Variants in COX19 observed in about 807,000 individuals in gnomAD.
The protein encoded by COX19 is cytochrome c oxidase assembly factor COX19, also known as cytochrome c oxidase assembly protein COX19.
COX19 carries 8 observed loss-of-function variants against 6.8 expected under a neutral mutation model. The observed-to-expected ratio is 1.18, with a 90% CI of 0.69 to 2.12. The LOEUF is 2.12. COX19 is among the 30% of genes most tolerant of loss of function. The pLI, the probability that COX19 is intolerant of heterozygous loss-of-function variation, is 0.00. For missense variants in COX19, 131 were observed against 104.6 expected, an observed-to-expected ratio of 1.25 and a Z score of -1.10; for synonymous variants, 51 against 38.0, an observed-to-expected ratio of 1.34 and a Z score of -1.26.
intron 2 of COX19, 142 bp downstream of exon 2, chr7:973,039 A>G: frequency 2.2e-6 from 1 of 455,486 alleles, no homozygotes; most frequent in Non-Finnish European, 3.8e-6. Flanking sequence ...CCTCCATTTC[A>G]AGGGCAAACA....
rs968281344 is a variant in COX19 at position 965,890 on chromosome 7, C to T, written c.*3488G>A. Among the ~76,000 whole-genome samples the T allele has an allele frequency of 3.3e-5, 5 of 152,288 alleles. No homozygotes were observed. The highest frequency in any genetic ancestry group is 3.9e-4 in the East Asian group (2 of 5,152). On this transcript the variant is annotated 3_prime_UTR_variant, in exon 3 of 3. Coordinates refer to ENST00000344111, the MANE Select transcript of COX19 (RefSeq NM_001031617.3). Reference sequence around the variant, plus strand: ...CTGGCCTCAAGTGATCTGCCTGCCTCGGCCTCCCAAAGTGTTGGGATTATA... The same window carrying T: ...CTGGCCTCAAGTGATCTGCCTGCCTTGGCCTCCCAAAGTGTTGGGATTATA...
rs75326730 is a variant in COX19 at position 967,489 on chromosome 7, G to A, written c.*1889C>T. On this transcript the variant is annotated 3_prime_UTR_variant, in exon 3 of 3. Coordinates refer to ENST00000344111, the MANE Select transcript of COX19 (RefSeq NM_001031617.3). The stretch of plus-strand genomic sequence containing the variant: ...TTTCCTGTCTTTCCCACCTTTGGTC[G>A]ACGGTCTTCCCCACACTCCTGATGG... 6.6e-6 allele frequency: 1 copy of A among 152,178 alleles called. No individual in the cohort carries two copies. Among genetic ancestry groups the A allele is most frequent in the Non-Finnish European group, 1.5e-5 (1 of 68,034 alleles). 9.4% of individuals were successfully genotyped at this position (152,178 alleles called of 1,614,324 possible).
chr7:970,752 A>T (rs1847623398), intron 2 of COX19, among the ~76,000 whole-genome samples: 1 of 151,440 alleles, frequency 6.6e-6, no homozygotes, highest in Non-Finnish European at 1.5e-5. Context: ...TTTTAAAGAA[A>T]TTTTTTGTAG....
intron 2 of COX19, among the ~76,000 whole-genome samples, chr7:970,634 G>A (rs1476887721): frequency 6.6e-6 from 1 of 151,654 alleles, no homozygotes; most frequent in East Asian, 1.9e-4. Flanking sequence ...AGTAGAGATG[G>A]GGTCTCACCA....
At chr7:973,646 G>T (rs1847665171) in intron 1 of COX19, among the ~76,000 whole-genome samples, 1 of 151,984 alleles carries the variant, frequency 6.6e-6, no homozygotes, top group African/African-American at 2.4e-5. Flanking sequence ...CTCCAGCCTG[G>T]GCAACAGATC....
intron 2 of COX19, among the ~76,000 whole-genome samples, chr7:971,495 C>T (rs1325603536): frequency 6.6e-6 from 1 of 152,040 alleles, no homozygotes; most frequent in South Asian, 2.1e-4. Flanking sequence ...GAACAAATAA[C>T]CAATCGAAAT....
rs975749123 is a variant in COX19, at chr7:969,291, G to A, written c.*87C>T. The A allele has an allele frequency of 2.3e-5, 19 of 832,514 alleles. No homozygotes were observed. The highest frequency in any genetic ancestry group is 2.2e-4 in the Middle Eastern group (1 of 4,472). The allele number at this position is 832,514 out of a possible 1,614,324, so 51.6% of individuals were successfully genotyped here. A position where few individuals can be genotyped will look rare whatever the true frequency, so the allele number is the denominator to read the frequency against. On this transcript the variant is annotated 3_prime_UTR_variant, in exon 3 of 3. Transcript: ENST00000344111. ...AAGCCCATTTCTAAGGACACCACAC[G>A]CAGGCCTCAGCCAACCTAAGAGGCA...
chr7:971,729 G>T (rs933233368), intron 2 of COX19, among the ~76,000 whole-genome samples: 4 of 152,136 alleles, frequency 2.6e-5, no homozygotes, highest in African/African-American at 7.2e-5. Context: ...AAATTAGCCG[G>T]GCAAGGTGGC....
chr7:969,460 A>G lies in COX19; in HGVS notation c.195-4T>C. On this transcript the variant is annotated splice_polypyrimidine_tract_variant and splice_region_variant and intron_variant, in intron 2 of 2. Transcript: ENST00000344111. ...TGGTTCTTGTAGCATCAATTTTCTA[A>G]AAGAAAAAGAGAAAGCTGTCAGGGC... The G allele has an allele frequency of 6.3e-7, 1 of 1,592,224 alleles. No individual in the cohort carries two copies.
rs955924106 is a variant in COX19 at position 969,956 on chromosome 7, A to T, written c.195-500T>A. Among the ~76,000 whole-genome samples, 62 of 117,542 alleles carry T rather than the reference A, an allele frequency of 5.3e-4. 1 individual carries two copies. The highest frequency in any genetic ancestry group is 2.1e-3 in the Admixed American group (24 of 11,216). 77.1% of individuals were successfully genotyped at this position (117,542 alleles called of 152,430 possible). A position where few individuals can be genotyped will look rare whatever the true frequency, so the allele number is the denominator to read the frequency against. On this transcript the variant is annotated intron_variant, in intron 2 of 2. Transcript: ENST00000344111. Reference sequence around the variant, plus strand: ...AGACTCAGGTCGACAGTTATCTGATATTTTTTTTTTTTTTTTTTTTTTTAA... The same window carrying T: ...AGACTCAGGTCGACAGTTATCTGATTTTTTTTTTTTTTTTTTTTTTTTTAA...
intron 2 of COX19, among the ~76,000 whole-genome samples, chr7:972,388 A>T (rs1343725536): frequency 6.6e-5 from 10 of 152,236 alleles, no homozygotes; most frequent in Non-Finnish European, 1.2e-4. Flanking sequence ...GGAAAGGCAC[A>T]ACGGATTTTT....
At chr7:975,077 T>G (rs1847686239) in intron 1 of COX19, 2 of 265,902 alleles carry the variant, frequency 7.5e-6, no homozygotes, top group South Asian at 1.7e-4. Flanking sequence ...AGGCACCGTC[T>G]AAGCCTCGGC....
At position 966,215 on chromosome 7, in the gene COX19, G is replaced by A. The variant is rs976326177; in HGVS notation, c.*3163C>T. On this transcript the variant is annotated 3_prime_UTR_variant, in exon 3 of 3. Transcript: ENST00000344111. ...CTGTTGCTCAGGCTGGAGAGCAGTG[G>A]TACAATCACAGCTCACTGCAGACTT... The A allele has an allele frequency of 1.3e-5, 2 of 149,240 alleles. No individual in the cohort carries two copies. The highest frequency in any genetic ancestry group is 3.2e-3 in the Middle Eastern group (1 of 312). 9.2% of individuals were successfully genotyped at this position (149,240 alleles called of 1,614,324 possible).
chr7:973,747 C>A (rs1408620281), intron 1 of COX19, among the ~76,000 whole-genome samples: 2 of 151,980 alleles, frequency 1.3e-5, no homozygotes, highest in South Asian at 2.1e-4. Flanking sequence ...GGGCGGATCA[C>A]CTGAGGTCAG....
intron 2 of COX19, among the ~76,000 whole-genome samples, chr7:970,791 T>C (rs1847623943): frequency 6.6e-6 from 1 of 152,138 alleles, no homozygotes; most frequent in Admixed American, 6.6e-5. Context: ...TTGCCCAGGC[T>C]GGTCTTGAAC....
At position 975,542 on chromosome 7, in the gene COX19, G is replaced by A. The variant is rs779055980; in HGVS notation, c.-33C>T. The A allele has an allele frequency of 2.9e-5, 45 of 1,574,356 alleles. No homozygotes were observed. Among genetic ancestry groups the A allele is most frequent in the Admixed American group, 1.0e-4 (6 of 57,762 alleles). On this transcript the variant is annotated 5_prime_UTR_variant, in exon 1 of 3. Transcript: ENST00000344111. ...ACTCCGGAGTCTGCGAGCGCCTTGC[G>A]AGCGTACGCAGGGCGGCCGGCGGAG... is the stretch of plus-strand genomic sequence containing the variant.
intron 1 of COX19, 33 bp from the exon 2 acceptor site, chr7:973,325 C>A: frequency 6.5e-7 from 1 of 1,540,578 alleles, no homozygotes; most frequent in African/African-American, 1.4e-5. Flanking sequence ...ATGTTCTTTT[C>A]AGAGTGAAAA....
chr7:973,440 G>A, intron 1 of COX19, 148 bp from the exon 2 acceptor site: 2 of 1,086,922 alleles, frequency 1.8e-6, no homozygotes, highest in Non-Finnish European at 2.4e-6. Flanking sequence ...CCAGCACTCT[G>A]AGAGGATCAC....
At position 967,165 on chromosome 7, in the gene COX19, G is replaced by A. The variant is rs984397489; in HGVS notation, c.*2213C>T. 6.6e-6 allele frequency: 1 copy of A among 152,228 alleles called. No individual in the cohort carries two copies. The highest frequency in any genetic ancestry group is 1.5e-5 in the Non-Finnish European group (1 of 68,050). The allele number at this position is 152,228 out of a possible 1,614,324, so 9.4% of individuals were successfully genotyped here. ...TTTGAAGAGGGAAGCACGAAGTTCTGTCAGTTTTGCTGTCACATCTCAGAC... is the reference window on the plus strand; with the variant it reads ...TTTGAAGAGGGAAGCACGAAGTTCTATCAGTTTTGCTGTCACATCTCAGAC... On this transcript the variant is annotated 3_prime_UTR_variant, in exon 3 of 3. Transcript: ENST00000344111.
Sources: gnomAD v4.1 joint callset for allele counts (sites outside exome capture counted in the v4.1 genomes callset) on GRCh38, gnomAD v4.1.1 for gene constraint, MANE v1.5 for transcripts, NCBI Gene and HGNC (gene_info 2026-07-23, HGNC 2026-07-21) for gene names.